CDK14: variants seen among roughly 807,000 people sequenced by gnomAD.
CDK14 encodes the protein cyclin dependent kinase 14, also known as cyclin-dependent kinase 14.
Under a neutral mutation model 60.7 loss-of-function variants are expected in CDK14, and 34 were observed. That is an observed-to-expected ratio of 0.56 (90% CI 0.43 to 0.75). The LOEUF is 0.75. Among genes scored for constraint, CDK14 ranks in the 30% least tolerant of loss-of-function variants. CDK14 has a pLI of 0.00. For missense variants in CDK14, 482 were observed against 564.1 expected, an observed-to-expected ratio of 0.85 and a Z score of 1.47; for synonymous variants, 197 against 203.7, an observed-to-expected ratio of 0.97 and a Z score of 0.28.
intron 4 of CDK14, among the ~76,000 whole-genome samples, chr7:90,760,161 T>C (rs909499795): frequency 1.3e-5 from 2 of 152,168 alleles, no homozygotes; most frequent in African/African-American, 4.8e-5. Flanking sequence ...GACTGAAATA[T>C]ACTAAATACA....
chr7:91,143,221 T>C (rs1443093150), intron 14 of CDK14, among the ~76,000 whole-genome samples: 1 of 152,180 alleles, frequency 6.6e-6, no homozygotes, highest in Non-Finnish European at 1.5e-5. Context: ...TGTTTGAAGC[T>C]GGACAAGAAA....
intron 10 of CDK14, among the ~76,000 whole-genome samples, chr7:90,995,964 T>A (rs976711563): frequency 6.6e-6 from 1 of 152,204 alleles, no homozygotes; most frequent in African/African-American, 2.4e-5. Flanking sequence ...TAAGCATGTT[T>A]TAAATTTCCT....
intron 9 of CDK14, among the ~76,000 whole-genome samples, chr7:90,966,233 C>A (rs1284997203): frequency 2.0e-5 from 3 of 152,024 alleles, no homozygotes; most frequent in Admixed American, 2.0e-4. Context: ...AAAAAAAAAT[C>A]AGCTTCCATA....
chr7:90,671,289 C>CTT (rs201022256), intron 2 of CDK14, among the ~76,000 whole-genome samples: 33 of 147,336 alleles, frequency 2.2e-4, no homozygotes, highest in Admixed American at 3.4e-4. Flanking sequence ...CAGGAGATGA[C>CTT]TTTTTTTTTT....
At chr7:90,732,576 T>C (rs866077434) in intron 3 of CDK14, among the ~76,000 whole-genome samples, 1 of 152,340 alleles carries the variant, frequency 6.6e-6, no homozygotes, top group Middle Eastern at 3.4e-3. Context: ...TAGGAGGGTG[T>C]ATGTGTCCAG....
chr7:90,730,317 C>T (rs542382621), intron 3 of CDK14, among the ~76,000 whole-genome samples: 12 of 152,248 alleles, frequency 7.9e-5, no homozygotes, highest in Admixed American at 6.5e-4. Context: ...AGTAAACATA[C>T]GTGTGCATGT....
At chr7:90,952,899 A>C (rs539210647) in intron 8 of CDK14, among the ~76,000 whole-genome samples, 1 of 152,332 alleles carries the variant, frequency 6.6e-6, no homozygotes, top group South Asian at 2.1e-4. Context: ...GTTTTGATGC[A>C]TGAACTGTAT....
chr7:90,952,527 A>G (rs1794294048), intron 8 of CDK14, among the ~76,000 whole-genome samples: 1 of 152,148 alleles, frequency 6.6e-6, no homozygotes, highest in Non-Finnish European at 1.5e-5. Context: ...AAATGTCAAC[A>G]CTGTAAAGTT....
intron 14 of CDK14, among the ~76,000 whole-genome samples, chr7:91,202,883 A>G (rs929388899): frequency 6.6e-6 from 1 of 152,200 alleles, no homozygotes; most frequent in South Asian, 2.1e-4. Context: ...CTATTATTAC[A>G]TATTATCCTT....
intron 14 of CDK14, among the ~76,000 whole-genome samples, chr7:91,192,239 T>C (rs1401329022): frequency 6.6e-6 from 1 of 152,094 alleles, no homozygotes; most frequent in East Asian, 1.9e-4. Context: ...AGCCCTGAAA[T>C]GACAGAACCA....
At chr7:90,732,505 C>A (rs879105200) in intron 3 of CDK14, among the ~76,000 whole-genome samples, 3 of 152,266 alleles carry the variant, frequency 2.0e-5, no homozygotes, top group Admixed American at 1.3e-4. Flanking sequence ...TTAATTACTG[C>A]CTCAATTTCA....
intron 4 of CDK14, among the ~76,000 whole-genome samples, chr7:90,786,154 A>G (rs1805572851): frequency 1.3e-5 from 2 of 152,240 alleles, no homozygotes; most frequent in African/African-American, 4.8e-5. Flanking sequence ...GAGAATAAGC[A>G]TAAAGAATCT....
At chr7:90,809,768 T>G (rs1374510480) in intron 5 of CDK14, among the ~76,000 whole-genome samples, 1 of 151,814 alleles carries the variant, frequency 6.6e-6, no homozygotes, top group Non-Finnish European at 1.5e-5. Flanking sequence ...ATAGAAGCAA[T>G]AAAAAATGAT....
intron 10 of CDK14, among the ~76,000 whole-genome samples, chr7:90,993,433 A>G (rs1362761289): frequency 6.6e-6 from 1 of 152,164 alleles, no homozygotes; most frequent in Non-Finnish European, 1.5e-5. Flanking sequence ...GGCATACTGG[A>G]TGGATCAAGG....
intron 14 of CDK14, among the ~76,000 whole-genome samples, chr7:91,152,875 A>C (rs1373393981): frequency 1.3e-5 from 2 of 152,260 alleles, no homozygotes; most frequent in Non-Finnish European, 2.9e-5. Context: ...GAATGATCTT[A>C]TATAATAACT....
At chr7:90,823,125 T>C (rs537342059) in intron 5 of CDK14, among the ~76,000 whole-genome samples, 42 of 152,254 alleles carry the variant, frequency 2.8e-4, no homozygotes, top group Non-Finnish European at 6.0e-4. Flanking sequence ...TTTATGGTGG[T>C]TCTAGGGAGG....
chr7:90,988,550 T>C (rs1795439929), intron 10 of CDK14, among the ~76,000 whole-genome samples: 1 of 152,218 alleles, frequency 6.6e-6, no homozygotes, highest in African/African-American at 2.4e-5. Flanking sequence ...CAGGTGAATA[T>C]ATATTCAGAG....
intron 5 of CDK14, among the ~76,000 whole-genome samples, chr7:90,843,774 T>G (rs1038868089): frequency 3.3e-5 from 5 of 152,142 alleles, no homozygotes; most frequent in Non-Finnish European, 7.4e-5. Flanking sequence ...AGGAAAATGC[T>G]TGTAAAGGCA....
intron 5 of CDK14, among the ~76,000 whole-genome samples, chr7:90,796,180 T>A (rs1788420802): frequency 6.6e-6 from 1 of 152,038 alleles, no homozygotes; most frequent in South Asian, 2.1e-4. Flanking sequence ...GTAGGTGGGA[T>A]CTTGTTCTGT....
Sources: allele counts gnomAD v4.1 joint callset (sites outside exome capture counted in the v4.1 genomes callset), GRCh38; gene constraint gnomAD v4.1.1; transcripts MANE v1.5; gene names NCBI Gene and HGNC (gene_info 2026-07-23, HGNC 2026-07-21).